Variants in SLC35G1 observed in about 807,000 individuals in gnomAD.
SLC35G1 encodes partner of STIM1.
In SLC35G1, 10 loss-of-function variants were observed where a neutral mutation model predicts 17.1. The observed-to-expected ratio is 0.59, with a 90% CI of 0.36 to 0.99. SLC35G1 has a LOEUF of 0.99. Ranked by LOEUF, SLC35G1 falls within the 50% of genes least tolerant of loss-of-function variation. The probability of loss-of-function intolerance (pLI) is 0.01; values close to 1 mark genes in which losing one functional copy is unlikely to be tolerated. For synonymous variants in SLC35G1, 185 were observed against 181.1 expected, an observed-to-expected ratio of 1.02 and a Z score of -0.18; for missense variants, 433 against 468.4, an observed-to-expected ratio of 0.92 and a Z score of 0.70.
In SLC35G1 at chr10:93,900,847, A is replaced by G; in HGVS notation, c.455A>G (p.Gln152Arg). The G allele has an allele frequency of 6.2e-7, 1 of 1,614,110 alleles. No individual in the cohort carries two copies. The highest frequency in any genetic ancestry group is 8.5e-7 in the Non-Finnish European group (1 of 1,179,950). Residue 152 changes from glutamine (Q) to arginine (R), a missense_variant, in exon 3 of 3, where the codon CAG becomes CGG. Coordinates refer to ENST00000427197, the MANE Select transcript of SLC35G1 (RefSeq NM_001134658.3). ...ATGATGCTTATATACTATGCTTACCAGACAATGTCCCTCGCTGATGCCACA... is the reference window on the plus strand; with the variant it reads ...ATGATGCTTATATACTATGCTTACCGGACAATGTCCCTCGCTGATGCCACA... ...TAMMLIYYAYQTMSLADATVI... is the reference protein window; with the variant it reads ...TAMMLIYYAYRTMSLADATVI...
At chr10:93,895,672 T>C (rs1177511075) in intron 1 of SLC35G1, among the ~76,000 whole-genome samples, 1 of 152,240 alleles carries the variant, frequency 6.6e-6, no homozygotes, top group Non-Finnish European at 1.5e-5. Flanking sequence ...CTGTTGTCAT[T>C]GAACTTTGTG....
rs1186528091 is a variant in SLC35G1, at chr10:93,898,720, C to G, written c.328C>G (p.Leu110Val). ...ISAFRCVFQM[L>V]VVIPCLIYRK... ...TGCGTTTCGATGTGTGTTCCAAATG[C>G]TAGTTGTTATCCCTTGCTTAATATA... is the stretch of plus-strand genomic sequence containing the variant. Residue 110 changes from leucine (L) to valine (V), a missense_variant, in exon 2 of 3, where the codon CTA (leucine) becomes GTA (valine). Transcript: ENST00000427197. 1 of 1,609,850 alleles carries G rather than the reference C, an allele frequency of 6.2e-7. No individual in the cohort carries two copies. Among genetic ancestry groups the G allele is most frequent in the East Asian group, 2.2e-5 (1 of 44,832 alleles).
At chr10:93,906,271 C>G (rs183591893), downstream of SLC35G1, 6 of 152,224 alleles carry the variant, frequency 3.9e-5, no homozygotes, top group African/African-American at 1.2e-4. Context: ...TGTGAGGAAG[C>G]CTGGGCTACA....
intron 2 of SLC35G1, among the ~76,000 whole-genome samples, chr10:93,899,156 A>G (rs1208736431): frequency 6.6e-6 from 1 of 152,186 alleles, no homozygotes; most frequent in Non-Finnish European, 1.5e-5. Flanking sequence ...ACCAGGGCAA[A>G]TAGAAGATTA....
Position 93,903,236 on chromosome 10 carries a change from C to T in SLC35G1, c.*1746C>T, listed in dbSNP as rs1374038149. The T allele has an allele frequency of 6.6e-6, 1 of 152,090 alleles. No individual in the cohort carries two copies. The highest frequency in any genetic ancestry group is 6.6e-5 in the Admixed American group (1 of 15,258). The allele number at this position is 152,090 out of a possible 1,614,324, so 9.4% of individuals were successfully genotyped here. A position where few individuals can be genotyped will look rare whatever the true frequency, so the allele number is the denominator to read the frequency against. ...AGTCATCTCTGTTCCACCTGATTTA[C>T]AGTATTGGAATTTAGACTTGCAAAA... is the stretch of plus-strand genomic sequence containing the variant. On this transcript the variant is annotated 3_prime_UTR_variant, in exon 3 of 3. Transcript: ENST00000427197.
intron 1 of SLC35G1, among the ~76,000 whole-genome samples, chr10:93,897,399 T>A (rs1329500312): frequency 6.6e-6 from 1 of 152,162 alleles, no homozygotes; most frequent in African/African-American, 2.4e-5. Context: ...CATTATAAAG[T>A]CCTAGATTGG....
rs1322410549 is a variant in SLC35G1 at position 93,900,986 on chromosome 10, C to T, written c.594C>T (p.Ile198=). 2 of 1,613,948 alleles carry T rather than the reference C, an allele frequency of 1.2e-6. No individual in the cohort carries two copies. Among genetic ancestry groups the T allele is most frequent in the Admixed American group, 1.7e-5 (1 of 59,966 alleles). The change falls in exon 3 of 3, where the codon ATC becomes ATT. Residue 198 remains isoleucine (I), a synonymous_variant. Coordinates refer to ENST00000427197, the MANE Select transcript of SLC35G1 (RefSeq NM_001134658.3). ...CCGTGTTCACAATCACTGGAGTGAT[C>T]CTTATCGTGAGACCACCATTTTTGT... The part of the protein sequence containing the change: ...LFTVFTITGV[I]LIVRPPFLFG...
chr10:93,898,656 T>C lies in SLC35G1; in HGVS notation c.264T>C (p.Phe88=), dbSNP rs759231726. The C allele has an allele frequency of 1.2e-6, 2 of 1,614,022 alleles. No individual in the cohort carries two copies. Among genetic ancestry groups the C allele is most frequent in the South Asian group, 1.1e-5 (1 of 91,060 alleles). The change falls in exon 2 of 3, where the codon TTT becomes TTC. Residue 88 remains phenylalanine, a synonymous_variant. Coordinates refer to ENST00000427197, the MANE Select transcript of SLC35G1 (RefSeq NM_001134658.3). ...SAFLFSVGSL[F]VKKVQDVHAV... ...TCCTTTTCTCAGTGGGCTCTTTATT[T>C]GTTAAAAAAGTGCAAGACGTCCATG... is the stretch of plus-strand genomic sequence containing the variant.
intron 1 of SLC35G1, among the ~76,000 whole-genome samples, chr10:93,894,984 T>A (rs1268817037): frequency 6.6e-6 from 1 of 152,218 alleles, no homozygotes; most frequent in Non-Finnish European, 1.5e-5. Context: ...GGATCCCAGC[T>A]TGCCATATAC....
chr10:93,899,759 C>T (rs2060365155), intron 2 of SLC35G1, among the ~76,000 whole-genome samples: 1 of 152,170 alleles, frequency 6.6e-6, no homozygotes, highest in South Asian at 2.1e-4. Flanking sequence ...GATGGTAGGG[C>T]TTTAGAAATT....
downstream of SLC35G1, among the ~76,000 whole-genome samples, chr10:93,905,547 C>G (rs571553814): frequency 3.0e-4 from 46 of 152,250 alleles, no homozygotes; most frequent in African/African-American, 1.1e-3. Flanking sequence ...ATTCACAGCC[C>G]ATGAACCTTG....
At chr10:93,909,371 G>C (rs538725210) in exon 3 of SLC35G1, 1 of 151,372 alleles carries the variant, frequency 6.6e-6, no homozygotes, top group East Asian at 1.9e-4. Flanking sequence ...CCCACTTCAA[G>C]CTCAAATCCT....
At chr10:93,909,396 G>C (rs1405804174) in exon 3 of SLC35G1, 1 of 149,896 alleles carries the variant, frequency 6.7e-6, no homozygotes, top group East Asian at 1.9e-4. Flanking sequence ...GAGGCTTCAT[G>C]CTTTAAAAAA....
At chr10:93,898,309 G>A (rs933832481) in intron 1 of SLC35G1, among the ~76,000 whole-genome samples, 3 of 152,200 alleles carry the variant, frequency 2.0e-5, no homozygotes, top group Non-Finnish European at 4.4e-5. Context: ...ACTTGTAAGT[G>A]AGGATGATTC....
At chr10:93,906,822 G>A (rs1447183810), downstream of SLC35G1, among the ~76,000 whole-genome samples, 2 of 152,182 alleles carry the variant, frequency 1.3e-5, no homozygotes, top group African/African-American at 2.4e-5. Flanking sequence ...AAGTGTTTGC[G>A]ATGTCAAAAC....
At chr10:93,894,967 A>G (rs1443623307) in intron 1 of SLC35G1, among the ~76,000 whole-genome samples, 4 of 152,200 alleles carry the variant, frequency 2.6e-5, no homozygotes, top group Non-Finnish European at 4.4e-5. Context: ...AGGGAGCACC[A>G]GGGTTAGGAT....
downstream of SLC35G1, among the ~76,000 whole-genome samples, chr10:93,906,545 A>G (rs892961716): frequency 1.6e-4 from 24 of 149,038 alleles, no homozygotes; most frequent in Non-Finnish European, 1.5e-5. Context: ...TTAAGCCACT[A>G]AAAAAAAAAT....
exon 3 of SLC35G1, chr10:93,909,233 G>C (rs983792201): frequency 6.6e-6 from 1 of 152,098 alleles, no homozygotes; most frequent in Non-Finnish European, 1.5e-5. Flanking sequence ...GCTTGGACAA[G>C]TTACATGACT....
chr10:93,907,288 A>AT (rs1254767282), downstream of SLC35G1: 1 of 152,164 alleles, frequency 6.6e-6, no homozygotes, highest in East Asian at 1.9e-4. Flanking sequence ...TTGTATGTGC[A>AT]TTTTAGAAAA....
Sources: gnomAD v4.1 joint callset for allele counts (sites outside exome capture counted in the v4.1 genomes callset) on GRCh38, gnomAD v4.1.1 for gene constraint, MANE v1.5 for transcripts, NCBI Gene and HGNC (gene_info 2026-07-23, HGNC 2026-07-21) for gene names.